The following KALRN variants were observed in gnomAD, a reference collection of about 807,000 sequenced individuals.
KALRN encodes the protein kalirin RhoGEF kinase.
KALRN carries 70 observed loss-of-function variants against 353.7 expected under a neutral mutation model. The observed-to-expected ratio is 0.20, with a 90% CI of 0.16 to 0.24. The LOEUF (loss-of-function observed/expected upper bound fraction) is 0.24. KALRN is among the 10% of genes least tolerant of loss of function. The pLI is 1.00. For synonymous variants in KALRN, 1,391 were observed against 1,434.8 expected (o/e 0.97, Z 0.69); for missense variants, 2,791 against 3,756.7 (o/e 0.74, Z 6.72).
chr3:124,246,211 C>T (rs569089317), intron 3 of KALRN, among the ~76,000 whole-genome samples: 78 of 152,346 alleles, frequency 5.1e-4, no homozygotes, highest in Non-Finnish European at 7.9e-4. Flanking sequence ...AATTTATTTG[C>T]TCACCATTGC....
At chr3:124,632,158 G>C (rs1195933399) in intron 34 of KALRN, among the ~76,000 whole-genome samples, 1 of 152,162 alleles carries the variant, frequency 6.6e-6, no homozygotes, top group Non-Finnish European at 1.5e-5. Flanking sequence ...CCACCAGAAT[G>C]TAAACTCCGC....
chr3:124,688,109 C>T (rs2061644462), intron 51 of KALRN, among the ~76,000 whole-genome samples: 1 of 152,008 alleles, frequency 6.6e-6, no homozygotes, highest in African/African-American at 2.4e-5. Flanking sequence ...GCCCAGAGTT[C>T]AAGACCAGCT....
Position 124,678,250 on chromosome 3 carries a change from T to C in KALRN, c.7254T>C (p.Gly2418=), listed in dbSNP as rs1462089238. 6.2e-7 allele frequency: 1 copy of C among 1,614,052 alleles called. No individual in the cohort carries two copies. Among genetic ancestry groups the C allele is most frequent in the East Asian group, 2.2e-5 (1 of 44,878 alleles). Residue 2418 remains glycine, a synonymous_variant, in exon 50 of 60, where the codon GGT becomes GGC. Transcript: ENST00000682506. ...AGCGGGCGGAAGTGGAGAACACGGGTAAAAATGAAGCCACAGGGCCTCGTA... is the reference window on the plus strand; with the variant it reads ...AGCGGGCGGAAGTGGAGAACACGGGCAAAAATGAAGCCACAGGGCCTCGTA... ...MRKRAEVENT[G]KNEATGPRKP...
chr3:124,704,271 G>A (rs780143615), intron 57 of KALRN, among the ~76,000 whole-genome samples: 4 of 152,214 alleles, frequency 2.6e-5, no homozygotes, highest in Non-Finnish European at 5.9e-5. Context: ...TTCATCACCC[G>A]GATGCCCCAG....
intron 33 of KALRN, among the ~76,000 whole-genome samples, chr3:124,517,365 A>G (rs1314935516): frequency 6.6e-6 from 1 of 152,150 alleles, no homozygotes; most frequent in Non-Finnish European, 1.5e-5. Context: ...AGTTCTTACT[A>G]AGAGAGTTTC....
chr3:124,596,408 A>G (rs946473462), intron 34 of KALRN, among the ~76,000 whole-genome samples: 5 of 152,176 alleles, frequency 3.3e-5, no homozygotes, highest in African/African-American at 1.2e-4. Context: ...TGGAGGTTGC[A>G]GTGAGCCAAA....
In KALRN at chr3:124,506,815, A is replaced by G. The variant is rs141539686; in HGVS notation, c.4935+10402A>G. ...TTCCTCATTTACACATGGAAAACAG[A>G]TTGGCTTAATGAGCAATAGAAGATA... On this transcript the variant is annotated intron_variant, in intron 33 of 59. Coordinates refer to ENST00000682506, the MANE Select transcript of KALRN (RefSeq NM_001388419.1). Among the ~76,000 whole-genome samples, 24 of 152,352 alleles carry G rather than the reference A, an allele frequency of 1.6e-4. No individual in the cohort carries two copies. The East Asian group carries it at 2.9e-3, about 18-fold the overall frequency.
intron 3 of KALRN, among the ~76,000 whole-genome samples, chr3:124,245,682 G>GT (rs2081043884): frequency 6.7e-6 from 1 of 149,856 alleles, no homozygotes; most frequent in African/African-American, 2.5e-5. Context: ...CATTGTTGTT[G>GT]TTTTTTGTTT....
chr3:124,186,789 G>A (rs186228485), intron 1 of KALRN, among the ~76,000 whole-genome samples: 37 of 152,242 alleles, frequency 2.4e-4, no homozygotes, highest in Non-Finnish European at 8.8e-5. Context: ...AAAGTAACTC[G>A]TTCCTTTGAC....
At chr3:124,363,466 A>G (rs577064941) in intron 10 of KALRN, among the ~76,000 whole-genome samples, 12 of 152,348 alleles carry the variant, frequency 7.9e-5, no homozygotes, top group African/African-American at 2.9e-4. Flanking sequence ...AATGATATCT[A>G]TTCCATTTCA....
intron 1 of KALRN, among the ~76,000 whole-genome samples, chr3:124,217,990 G>C (rs2077510171): frequency 1.3e-5 from 2 of 152,208 alleles, no homozygotes; most frequent in African/African-American, 4.8e-5. Flanking sequence ...GAATCAGAAA[G>C]AGAGCAAGTG....
intron 1 of KALRN, among the ~76,000 whole-genome samples, chr3:124,178,502 G>T (rs1175400850): frequency 6.6e-6 from 1 of 152,134 alleles, no homozygotes; most frequent in Non-Finnish European, 1.5e-5. Flanking sequence ...TAGGCTGTAT[G>T]GTATAGCCTA....
chr3:124,630,774 G>A (rs527945799), intron 34 of KALRN, among the ~76,000 whole-genome samples: 2 of 152,112 alleles, frequency 1.3e-5, no homozygotes, highest in African/African-American at 2.4e-5. Flanking sequence ...AAGCATATAC[G>A]ATTGAAAATA....
In KALRN at chr3:124,531,683, A is replaced by T. The variant is rs538905461; in HGVS notation, c.4936-31160A>T. On this transcript the variant is annotated intron_variant, in intron 33 of 59. Transcript: ENST00000682506. The stretch of plus-strand genomic sequence containing the variant: ...ACACTTTTAAACAACCAAATCTCAC[A>T]AAACTTACTCATTATCACAAGAACA... Among the ~76,000 whole-genome samples, 94 of 152,288 alleles carry T rather than the reference A, an allele frequency of 6.2e-4. 1 individual carries two copies. Among genetic ancestry groups the T allele is most frequent in the Admixed American group, 1.7e-3 (26 of 15,294 alleles).
intron 21 of KALRN, among the ~76,000 whole-genome samples, chr3:124,449,596 T>C (rs1169554349): frequency 6.6e-6 from 1 of 152,166 alleles, no homozygotes; most frequent in Non-Finnish European, 1.5e-5. Flanking sequence ...AATTCCATGG[T>C]TTTTACTATA....
Position 124,283,134 on chromosome 3 carries a change from T to C in KALRN, c.969+13879T>C, listed in dbSNP as rs1232943108. Reference sequence around the variant, plus strand: ...CTTTGTTCCCAGATGTGCAAGTGATTGGCACAGCCGATTTTAGGATGTGTG... The same window carrying C: ...CTTTGTTCCCAGATGTGCAAGTGATCGGCACAGCCGATTTTAGGATGTGTG... On this transcript the variant is annotated intron_variant, in intron 5 of 59. Coordinates refer to ENST00000682506, the MANE Select transcript of KALRN (RefSeq NM_001388419.1). Among the ~76,000 whole-genome samples the C allele has an allele frequency of 5.3e-5, 8 of 152,360 alleles. No individual in the cohort carries two copies. The East Asian group carries it at 1.2e-3, about 22-fold the overall frequency.
At chr3:124,367,519 C>T (rs2085027784) in intron 10 of KALRN, among the ~76,000 whole-genome samples, 2 of 110,634 alleles carry the variant, frequency 1.8e-5, no homozygotes, top group Non-Finnish European at 3.7e-5. Context: ...GGGCTGACCC[C>T]CCCACCTCCC....
At chr3:124,103,043 T>C (rs2062003957) in intron 1 of KALRN, among the ~76,000 whole-genome samples, 1 of 152,192 alleles carries the variant, frequency 6.6e-6, no homozygotes, top group South Asian at 2.1e-4. Context: ...CCCGGACTCC[T>C]GTCTAGGATG....
intron 1 of KALRN, among the ~76,000 whole-genome samples, chr3:124,196,172 A>G (rs2075404740): frequency 6.6e-6 from 1 of 152,208 alleles, no homozygotes; most frequent in Non-Finnish European, 1.5e-5. Flanking sequence ...TTTATCATTT[A>G]ATTCCTGGCC....
Sources: gnomAD v4.1 joint callset for allele counts (sites outside exome capture counted in the v4.1 genomes callset) on GRCh38, gnomAD v4.1.1 for gene constraint, MANE v1.5 for transcripts, NCBI Gene and HGNC (gene_info 2026-07-23, HGNC 2026-07-21) for gene names.